Variants in DGKI observed in about 807,000 individuals in gnomAD.
The protein encoded by DGKI is diacylglycerol kinase iota.
In DGKI, 55 loss-of-function variants were observed where a neutral mutation model predicts 147.5. The observed-to-expected ratio is 0.37, with a 90% CI of 0.30 to 0.47. DGKI has a LOEUF of 0.47. Ranked by LOEUF, DGKI falls within the 20% of genes least tolerant of loss-of-function variation. The pLI, the probability that DGKI is intolerant of heterozygous loss-of-function variation, is 1.00. For missense variants in DGKI, 1,007 were observed against 1,323.8 expected (o/e 0.76, Z 3.71); for synonymous variants, 469 against 477.1 (o/e 0.98, Z 0.22).
chr7:137,504,904 A>G (rs942680280), intron 21 of DGKI, among the ~76,000 whole-genome samples: 1 of 152,060 alleles, frequency 6.6e-6, no homozygotes, highest in Admixed American at 6.6e-5. Context: ...CAAAACTTCC[A>G]CTCTGTGAAA....
intron 21 of DGKI, among the ~76,000 whole-genome samples, chr7:137,502,667 A>G (rs1816220202): frequency 6.6e-6 from 1 of 152,146 alleles, no homozygotes; most frequent in Non-Finnish European, 1.5e-5. Flanking sequence ...GATGGATGTC[A>G]TTATTTCTAT....
rs1193594552 is a variant in DGKI at position 137,546,333 on chromosome 7, T to C, written c.2147+6036A>G. Among the ~76,000 whole-genome samples the C allele has an allele frequency of 2.0e-5, 3 of 152,106 alleles. No homozygotes were observed. In the East Asian group the frequency reaches 5.8e-4, roughly 29 times the overall value. On this transcript the variant is annotated intron_variant, in intron 20 of 32. Transcript: ENST00000614521. ...GGAGAGAAGGCACACACTTACATAT[T>C]GAGTGGTAGGCTGGCATGGTAAACT... is the stretch of plus-strand genomic sequence containing the variant.
chr7:137,604,328 A>G (rs944470219), intron 10 of DGKI, among the ~76,000 whole-genome samples: 1 of 152,186 alleles, frequency 6.6e-6, no homozygotes, highest in Non-Finnish European at 1.5e-5. Flanking sequence ...AGTACTGCAA[A>G]AAAGTAACTA....
intron 24 of DGKI, among the ~76,000 whole-genome samples, chr7:137,468,243 GAGAA>G (rs1243046927): frequency 2.0e-5 from 3 of 152,108 alleles, no homozygotes; most frequent in African/African-American, 7.2e-5. Context: ...ATCTGCCTTG[GAGAA>G]ATTCACTCTA....
intron 8 of DGKI, among the ~76,000 whole-genome samples, chr7:137,616,990 G>A (rs1398572295): frequency 6.6e-6 from 1 of 151,888 alleles, no homozygotes; most frequent in African/African-American, 2.4e-5. Flanking sequence ...ATGACAAGCT[G>A]ATGGTGAACT....
At chr7:137,532,726 C>T (rs1470370754) in intron 20 of DGKI, among the ~76,000 whole-genome samples, 1 of 152,150 alleles carries the variant, frequency 6.6e-6, no homozygotes, top group East Asian at 1.9e-4. Context: ...CCCGCTTTCC[C>T]AATTCAGCCC....
At chr7:137,590,785 T>C (rs1270373421) in intron 12 of DGKI, among the ~76,000 whole-genome samples, 1 of 152,172 alleles carries the variant, frequency 6.6e-6, no homozygotes, top group South Asian at 2.1e-4. Context: ...GTCTACCTCG[T>C]GGGCTCAAGC....
intron 1 of DGKI, among the ~76,000 whole-genome samples, chr7:137,836,805 T>A (rs1798396853): frequency 6.6e-6 from 1 of 152,186 alleles, no homozygotes; most frequent in Admixed American, 6.5e-5. Flanking sequence ...CAGAGCTAAG[T>A]TTTATGCTTA....
intron 8 of DGKI, among the ~76,000 whole-genome samples, chr7:137,618,844 A>T (rs1299036453): frequency 6.6e-6 from 1 of 152,148 alleles, no homozygotes; most frequent in Non-Finnish European, 1.5e-5. Flanking sequence ...CCTCTGGAAA[A>T]AAATATCCCA....
intron 28 of DGKI, among the ~76,000 whole-genome samples, chr7:137,422,607 T>TTTC (rs1812619895): frequency 8.4e-6 from 1 of 118,652 alleles, no homozygotes; most frequent in African/African-American, 3.3e-5. Flanking sequence ...TTTTTTTTTT[T>TTTC]TTTTTTTTTT....
chr7:137,516,712 G>A (rs1447169175), intron 21 of DGKI, among the ~76,000 whole-genome samples: 1 of 151,956 alleles, frequency 6.6e-6, no homozygotes. Flanking sequence ...AACATCTAGT[G>A]TGGTATCTGA....
At chr7:137,814,319 A>C (rs1251461074) in intron 1 of DGKI, among the ~76,000 whole-genome samples, 1 of 152,166 alleles carries the variant, frequency 6.6e-6, no homozygotes, top group Non-Finnish European at 1.5e-5. Context: ...AATGCCAAAA[A>C]ACGATTCAAA....
intron 12 of DGKI, among the ~76,000 whole-genome samples, chr7:137,593,970 A>G (rs904531082): frequency 6.6e-6 from 1 of 152,216 alleles, no homozygotes; most frequent in African/African-American, 2.4e-5. Flanking sequence ...GCCAAAGGTC[A>G]CAGAAATGAG....
chr7:137,642,000 A>G (rs1821642947), intron 6 of DGKI, among the ~76,000 whole-genome samples: 1 of 152,206 alleles, frequency 6.6e-6, no homozygotes, highest in Non-Finnish European at 1.5e-5. Flanking sequence ...ATAAATTTTG[A>G]CTGAATGAAG....
At chr7:137,547,547 C>T (rs1020674586) in intron 20 of DGKI, among the ~76,000 whole-genome samples, 9 of 152,076 alleles carry the variant, frequency 5.9e-5, no homozygotes, top group African/African-American at 2.2e-4. Context: ...TTTATATTCA[C>T]AAAATTTTAG....
At chr7:137,557,327 G>T (rs375837493) in intron 19 of DGKI, among the ~76,000 whole-genome samples, 1 of 142,410 alleles carries the variant, frequency 7.0e-6, no homozygotes, top group Non-Finnish European at 1.6e-5. Flanking sequence ...GACTGCCCCT[G>T]TTAGAATCCG....
At chr7:137,570,668 T>G (rs1247195030) in intron 19 of DGKI, among the ~76,000 whole-genome samples, 2 of 151,928 alleles carry the variant, frequency 1.3e-5, no homozygotes, top group Admixed American at 6.6e-5. Context: ...TTCAGCTCAC[T>G]GCAACCTTTG....
chr7:137,487,631 C>G lies in DGKI; in HGVS notation c.2307G>C (p.Met769Ile). 6.2e-7 allele frequency: 1 copy of G among 1,613,746 alleles called. No homozygotes were observed. Among genetic ancestry groups the G allele is most frequent in the East Asian group, 2.2e-5 (1 of 44,876 alleles). The stretch of plus-strand genomic sequence containing the variant: ...TCACCTCCTGTAGGCGGTCTATGTA[C>G]ATACGGCAAGTCTCCAAATCACAGT... ...RGDCDLETCRMYIDRLQEDLQ... is the reference protein window; with the variant it reads ...RGDCDLETCRIYIDRLQEDLQ... The change falls in exon 22 of 33, where the codon ATG becomes ATC. Residue 769 changes from methionine (M) to isoleucine (I), a missense_variant. Around this residue, in one of 5 missense-constraint regions of DGKI, gnomAD observed 385 missense variants for 445.2 expected, o/e 0.86. Transcript: ENST00000614521.
At chr7:137,815,370 C>G (rs950016023) in intron 1 of DGKI, among the ~76,000 whole-genome samples, 1 of 152,088 alleles carries the variant, frequency 6.6e-6, no homozygotes, top group Non-Finnish European at 1.5e-5. Context: ...ATTAGCTGCT[C>G]CCTTTCAGAA....
Sources: allele counts gnomAD v4.1 joint callset (sites outside exome capture counted in the v4.1 genomes callset), GRCh38; gene constraint gnomAD v4.1.1; regional missense constraint gnomAD v4.1.1; transcripts MANE v1.5; gene names NCBI Gene and HGNC (gene_info 2026-07-23, HGNC 2026-07-21).